Variants in USP6NL observed in about 807,000 individuals in gnomAD.
USP6NL encodes USP6 N-terminal-like protein.
Under a neutral mutation model 61.9 loss-of-function variants are expected in USP6NL, and 26 were observed. The ratio of observed to expected loss-of-function variants is 0.42; its 90% CI spans 0.31 to 0.58. The LOEUF (loss-of-function observed/expected upper bound fraction) is 0.58, where lower values mean the gene tolerates loss of function less well. USP6NL is among the 20% of genes least tolerant of loss of function. The pLI is 0.16. For synonymous variants in USP6NL, 432 were observed against 390.1 expected (o/e 1.11, Z -1.27); for missense variants, 1,114 against 1,034.3 (o/e 1.08, Z -1.06).
chr10:11,493,171 C>T lies in USP6NL; in HGVS notation c.442G>A (p.Val148Ile). ...ATGTGGTCCCGAAATGTGCGGTTGA[C>T]ATCCAGGTCTATTTGTCTGATGTCA... ...SPDIRQIDLD[V>I]NRTFRDHIMF... The change falls in exon 8 of 15, where the codon GTC becomes ATC. Residue 148 changes from valine to isoleucine, a missense_variant. Coordinates refer to ENST00000609104, the MANE Select transcript of USP6NL (RefSeq NM_014688.5). 6.2e-7 allele frequency: 1 copy of T among 1,612,684 alleles called. No homozygotes were observed. The highest frequency in any genetic ancestry group is 1.3e-5 in the African/African-American group (1 of 75,042).
Position 11,463,932 on chromosome 10 carries a change from T to A in USP6NL, c.1079-83A>T. 2 of 1,308,300 alleles carry A rather than the reference T, an allele frequency of 1.5e-6. No homozygotes were observed. Among genetic ancestry groups the A allele is most frequent in the Non-Finnish European group, 2.1e-6 (2 of 970,188 alleles). 81.0% of individuals were successfully genotyped at this position (1,308,300 alleles called of 1,614,324 possible). ...AAGCAATCCATTAGTAACAATGGCA[T>A]GCTTTTCATCTGTGCACAGATACAC... On this transcript the variant is annotated intron_variant, in intron 14 of 14. Transcript: ENST00000609104. This position sits in a 1 kb window ranked among gnomAD's most constrained non-coding sequence, Gnocchi z 6.3.
Position 11,545,067 on chromosome 10 carries a change from C to T in USP6NL, c.5-17500G>A, listed in dbSNP as rs1836225779. ...GACACTTATTTTTCACTCTTTAGTACATCCTGAACTTTTTGTTATGTACAC... is the reference window on the plus strand; with the variant it reads ...GACACTTATTTTTCACTCTTTAGTATATCCTGAACTTTTTGTTATGTACAC... On this transcript the variant is annotated intron_variant, in intron 2 of 14. Coordinates refer to ENST00000609104, the MANE Select transcript of USP6NL (RefSeq NM_014688.5). 2.0e-5 allele frequency among the ~76,000 whole-genome samples: 3 copies of T among 152,256 alleles called. 1 individual carries two copies. In the South Asian group the frequency reaches 6.2e-4, roughly 32 times the overall value.
In USP6NL at chr10:11,532,479, G is replaced by A. The variant is rs1835698798; in HGVS notation, c.5-4912C>T. On this transcript the variant is annotated intron_variant, in intron 2 of 14. Coordinates refer to ENST00000609104, the MANE Select transcript of USP6NL (RefSeq NM_014688.5). This position sits in a 1 kb window ranked among gnomAD's most constrained non-coding sequence, Gnocchi z 4.1. Reference sequence around the variant, plus strand: ...AGACTATATATTTTCAAACAAAGCTGATCATTGTTGAGGGTGAAAACACGG... The same window carrying A: ...AGACTATATATTTTCAAACAAAGCTAATCATTGTTGAGGGTGAAAACACGG... 6.6e-6 allele frequency among the ~76,000 whole-genome samples: 1 copy of A among 152,182 alleles called. No individual in the cohort carries two copies. The highest frequency in any genetic ancestry group is 2.1e-4 in the South Asian group (1 of 4,826).
At chr10:11,483,731 G>A (rs1833339878) in intron 13 of USP6NL, among the ~76,000 whole-genome samples, 1 of 149,516 alleles carries the variant, frequency 6.7e-6, no homozygotes, top group Admixed American at 6.7e-5. Flanking sequence ...GGTGCGGGGA[G>A]GAAGGAAAAG....
Position 11,501,043 on chromosome 10 carries a change from A to C in USP6NL, c.384+58T>G, listed in dbSNP as rs201203195. ...AATATCTTATGTCACCTTGAATGCT[A>C]AAAGAAATGGATTTTACTTTTTAAT... On this transcript the variant is annotated intron_variant, in intron 7 of 14. Transcript: ENST00000609104. The C allele has an allele frequency of 3.7e-4, 501 of 1,345,986 alleles. 1 individual carries two copies. Among genetic ancestry groups the C allele is most frequent in the Middle Eastern group, 2.0e-3 (8 of 4,076 alleles). 83.4% of individuals were successfully genotyped at this position (1,345,986 alleles called of 1,614,324 possible).
chr10:11,607,819 A>T (rs1838758442), intron 1 of USP6NL, among the ~76,000 whole-genome samples: 1 of 152,226 alleles, frequency 6.6e-6, no homozygotes, highest in South Asian at 2.1e-4. Flanking sequence ...TGTTACTTTA[A>T]ATTTTTAATT....
chr10:11,549,026 C>T (rs1236948018), intron 2 of USP6NL, among the ~76,000 whole-genome samples: 1 of 152,156 alleles, frequency 6.6e-6, no homozygotes, highest in African/African-American at 2.4e-5. Context: ...TTACCAGAAT[C>T]TACCCATGCT....
Position 11,485,951 on chromosome 10 carries a change from C to T in USP6NL, c.665-40G>A, listed in dbSNP as rs1460277774. On this transcript the variant is annotated intron_variant, in intron 10 of 14. Transcript: ENST00000609104. This position sits in a 1 kb window ranked among gnomAD's most constrained non-coding sequence, Gnocchi z 4.8. Reference sequence around the variant, plus strand: ...TAAAAACAACATTTCATAAACAATACCAACAAAACCCTCCAATCTTAAAAC... The same window carrying T: ...TAAAAACAACATTTCATAAACAATATCAACAAAACCCTCCAATCTTAAAAC... The T allele has an allele frequency of 3.1e-6, 4 of 1,300,144 alleles. No individual in the cohort carries two copies. In the East Asian group the frequency reaches 1.0e-4, roughly 34 times the overall value. The allele number at this position is 1,300,144 out of a possible 1,614,324, so 80.5% of individuals were successfully genotyped here. A position where few individuals can be genotyped will look rare whatever the true frequency, so the allele number is the denominator to read the frequency against.
At position 11,470,481 on chromosome 10, in the gene USP6NL, C is replaced by G. The variant is rs1015017432; in HGVS notation, c.1079-6632G>C. On this transcript the variant is annotated intron_variant, in intron 14 of 14. Transcript: ENST00000609104. This position sits in a 1 kb window ranked among gnomAD's most constrained non-coding sequence, Gnocchi z 5.4. Reference sequence around the variant, plus strand: ...TGAACTGAAAACACATCATGCAGACCCTGTAAGAAGGACGAATGCCATCAC... The same window carrying G: ...TGAACTGAAAACACATCATGCAGACGCTGTAAGAAGGACGAATGCCATCAC... Among the ~76,000 whole-genome samples, 15 of 152,068 alleles carry G rather than the reference C, an allele frequency of 9.9e-5. No individual in the cohort carries two copies. The highest frequency in any genetic ancestry group is 3.6e-4 in the African/African-American group (15 of 41,402).
chr10:11,596,291 T>G lies in USP6NL; in HGVS notation c.4+1340A>C, dbSNP rs905832384. ...GTTAGCACTTTACATTAGATAAACT[T>G]TCTCACAAAATGTCATGATTGGAGC... is the stretch of plus-strand genomic sequence containing the variant. On this transcript the variant is annotated intron_variant, in intron 2 of 14. Coordinates refer to ENST00000609104, the MANE Select transcript of USP6NL (RefSeq NM_014688.5). The surrounding 1 kb of genome is among the most constrained non-coding windows in gnomAD (Gnocchi z 4.1). 6.6e-6 allele frequency among the ~76,000 whole-genome samples: 1 copy of G among 152,182 alleles called. No individual in the cohort carries two copies. Among genetic ancestry groups the G allele is most frequent in the African/African-American group, 2.4e-5 (1 of 41,448 alleles).
chr10:11,539,585 G>T (rs1835971517), intron 2 of USP6NL, among the ~76,000 whole-genome samples: 1 of 152,230 alleles, frequency 6.6e-6, no homozygotes, highest in Admixed American at 6.5e-5. Flanking sequence ...CACATTTGGG[G>T]ACAGGGTTGA....
intron 14 of USP6NL, among the ~76,000 whole-genome samples, chr10:11,479,863 C>T (rs1833127517): frequency 6.6e-6 from 1 of 152,190 alleles, no homozygotes. Context: ...GGGTGAGCCA[C>T]TGTGCCCAGC....
rs2133207655 is a variant in USP6NL, at chr10:11,478,296, A to G, written c.1078+3474T>C. Among the ~76,000 whole-genome samples the G allele has an allele frequency of 6.6e-6, 1 of 152,334 alleles. No homozygotes were observed. ...GGCTGTGGAGAAATGGCAGTTCTGT[A>G]GCACACCTGTGGTTGTCCAGTGACC... is the stretch of plus-strand genomic sequence containing the variant. On this transcript the variant is annotated intron_variant, in intron 14 of 14. Transcript: ENST00000609104. The surrounding 1 kb of genome is among the most constrained non-coding windows in gnomAD (Gnocchi z 6.8).
At chr10:11,555,202 G>T (rs555503192) in intron 2 of USP6NL, among the ~76,000 whole-genome samples, 1 of 146,870 alleles carries the variant, frequency 6.8e-6, no homozygotes, top group African/African-American at 2.5e-5. Context: ...GATCACCTGA[G>T]GTCAGGAGTT....
At position 11,553,494 on chromosome 10, in the gene USP6NL, G is replaced by A. The variant is rs1836569530; in HGVS notation, c.5-25927C>T. Among the ~76,000 whole-genome samples the A allele has an allele frequency of 6.6e-6, 1 of 152,090 alleles. No individual in the cohort carries two copies. The highest frequency in any genetic ancestry group is 2.4e-5 in the African/African-American group (1 of 41,414). On this transcript the variant is annotated intron_variant, in intron 2 of 14. Coordinates refer to ENST00000609104, the MANE Select transcript of USP6NL (RefSeq NM_014688.5). The surrounding 1 kb of genome is among the most constrained non-coding windows in gnomAD (Gnocchi z 4.8). The stretch of plus-strand genomic sequence containing the variant: ...TATGTATGCCAAAACTAAATAAAAG[G>A]CTGAAAATCAATGTTCCTTAATATA...
intron 7 of USP6NL, among the ~76,000 whole-genome samples, chr10:11,498,235 CAAAAAAAAAA>C (rs11341542): frequency 3.9e-4 from 15 of 38,804 alleles, no homozygotes; most frequent in East Asian, 2.0e-3. Context: ...CACTCTGTCT[CAAAAAAAAAA>C]AAAAAAAAAA....
intron 1 of USP6NL, among the ~76,000 whole-genome samples, chr10:11,601,218 C>T (rs1310758435): frequency 6.6e-6 from 1 of 152,106 alleles, no homozygotes; most frequent in Non-Finnish European, 1.5e-5. Context: ...ACAAGTATTA[C>T]TGATATATAC....
In USP6NL at chr10:11,489,663, T is replaced by A. The variant is rs1833628139; in HGVS notation, c.544-441A>T. Among the ~76,000 whole-genome samples, 1 of 152,176 alleles carries A rather than the reference T, an allele frequency of 6.6e-6. No individual in the cohort carries two copies. The highest frequency in any genetic ancestry group is 1.5e-5 in the Non-Finnish European group (1 of 68,030). ...GGGATGCCCATGCACAGTCTATGCCTCCTCTCTAAGAAATACCCACTCTCC... is the reference window on the plus strand; with the variant it reads ...GGGATGCCCATGCACAGTCTATGCCACCTCTCTAAGAAATACCCACTCTCC... On this transcript the variant is annotated intron_variant, in intron 9 of 14. Coordinates refer to ENST00000609104, the MANE Select transcript of USP6NL (RefSeq NM_014688.5). This position sits in a 1 kb window ranked among gnomAD's most constrained non-coding sequence, Gnocchi z 5.7.
At position 11,575,121 on chromosome 10, in the gene USP6NL, G is replaced by A. The variant is rs1234500723; in HGVS notation, c.4+22510C>T. On this transcript the variant is annotated intron_variant, in intron 2 of 14. Transcript: ENST00000609104. The surrounding 1 kb of genome is among the most constrained non-coding windows in gnomAD (Gnocchi z 4.2). ...CCTATTATCTTTAAAGAATATGTTC[G>A]TACTCACAAACTAAATCAAAGTAAG... Among the ~76,000 whole-genome samples the A allele has an allele frequency of 2.0e-5, 3 of 152,118 alleles. No individual in the cohort carries two copies. The highest frequency in any genetic ancestry group is 4.4e-5 in the Non-Finnish European group (3 of 68,016).
Sources: gnomAD v4.1 joint callset for allele counts (sites outside exome capture counted in the v4.1 genomes callset) on GRCh38, gnomAD v4.1.1 for gene constraint, Gnocchi (gnomAD v3.1) non-coding constraint, MANE v1.5 for transcripts, NCBI Gene and HGNC (gene_info 2026-07-23, HGNC 2026-07-21) for gene names.